The following PRKD1 variants were observed in gnomAD, a reference collection of about 807,000 sequenced individuals.
PRKD1 encodes serine/threonine-protein kinase D1.
A neutral mutation model predicts 95.9 loss-of-function variants in PRKD1; 63 were observed. That is an observed-to-expected ratio of 0.66 (90% CI 0.54 to 0.81). The LOEUF is 0.81. Among genes scored for constraint, PRKD1 ranks in the 30% least tolerant of loss-of-function variants. The pLI, the probability that PRKD1 is intolerant of heterozygous loss-of-function variation, is 0.00. For synonymous variants in PRKD1, 425 were observed against 423.1 expected, an observed-to-expected ratio of 1.00 and a Z score of -0.05; for missense variants, 1,048 against 1,165.3, an observed-to-expected ratio of 0.90 and a Z score of 1.47.
intron 1 of PRKD1, among the ~76,000 whole-genome samples, chr14:29,819,419 G>A (rs1052278924): frequency 2.3e-4 from 35 of 152,230 alleles, no homozygotes; most frequent in African/African-American, 6.7e-4. Context: ...GGCCGGGCGC[G>A]GTGGCTCATG....
At chr14:29,823,426 T>C (rs544522674) in intron 1 of PRKD1, among the ~76,000 whole-genome samples, 1 of 152,276 alleles carries the variant, frequency 6.6e-6, no homozygotes. Flanking sequence ...GAAAAACCCA[T>C]TCAAATGCAA....
At position 29,630,840 on chromosome 14, in the gene PRKD1, C is replaced by A; in HGVS notation, c.1574G>T (p.Gly525Val). ...PNNSVLTSGVGADVARMWEIA... is the reference protein window; with the variant it reads ...PNNSVLTSGVVADVARMWEIA... ...CTCCCACATCCTGGCCACATCTGCACCAACGCCACTGGTGAGAACACTGTT... is the reference window on the plus strand; with the variant it reads ...CTCCCACATCCTGGCCACATCTGCAACAACGCCACTGGTGAGAACACTGTT... The change falls in exon 10 of 18, where the codon GGT (glycine) becomes GTT (valine). Residue 525 changes from glycine (G) to valine (V), a missense_variant. Around this residue, in one of 3 missense-constraint regions of PRKD1, gnomAD observed 739 missense variants for 861.9 expected, o/e 0.86. Coordinates refer to ENST00000331968, the MANE Select transcript of PRKD1 (RefSeq NM_002742.3). 6.2e-7 allele frequency: 1 copy of A among 1,614,072 alleles called. No individual in the cohort carries two copies. The highest frequency in any genetic ancestry group is 8.5e-7 in the Non-Finnish European group (1 of 1,180,002).
At chr14:29,597,415 C>T (rs1259184976) in intron 16 of PRKD1, 76 bp downstream of exon 16, 4 of 1,321,054 alleles carry the variant, frequency 3.0e-6, no homozygotes, top group African/African-American at 3.0e-5. Context: ...TAATAATTTA[C>T]AATTAAATTA....
intron 13 of PRKD1, among the ~76,000 whole-genome samples, chr14:29,618,296 A>G (rs1879006691): frequency 6.7e-6 from 1 of 148,862 alleles, no homozygotes; most frequent in Admixed American, 6.8e-5. Flanking sequence ...TCTGTCATCC[A>G]GGCTGGAGTG....
At chr14:29,846,222 T>A (rs1053167226) in intron 1 of PRKD1, among the ~76,000 whole-genome samples, 1 of 152,134 alleles carries the variant, frequency 6.6e-6, no homozygotes, top group African/African-American at 2.4e-5. Flanking sequence ...TTTATGGAGC[T>A]TACATTTTAC....
chr14:29,670,035 C>CA (rs1234450662), intron 2 of PRKD1, among the ~76,000 whole-genome samples: 1 of 152,106 alleles, frequency 6.6e-6, no homozygotes, highest in African/African-American at 2.4e-5. Context: ...ATTGAGGCCC[C>CA]AATACACTTC....
chr14:29,604,063 T>G (rs1209592080), intron 13 of PRKD1, among the ~76,000 whole-genome samples: 1 of 152,130 alleles, frequency 6.6e-6, no homozygotes, highest in African/African-American at 2.4e-5. Context: ...CAATGGAAAT[T>G]AGTCACTAGA....
chr14:29,807,912 G>A (rs901404190), intron 1 of PRKD1, among the ~76,000 whole-genome samples: 3 of 151,640 alleles, frequency 2.0e-5, no homozygotes, highest in Non-Finnish European at 4.4e-5. Flanking sequence ...AGTATAGACG[G>A]GATTTCACCA....
At chr14:29,776,883 G>A (rs1343505709) in intron 1 of PRKD1, among the ~76,000 whole-genome samples, 1 of 152,152 alleles carries the variant, frequency 6.6e-6, no homozygotes, top group Non-Finnish European at 1.5e-5. Context: ...AATGTTAAGG[G>A]CAGCCAGAGA....
intron 1 of PRKD1, among the ~76,000 whole-genome samples, chr14:29,887,814 T>C (rs1413679181): frequency 1.3e-5 from 2 of 152,210 alleles, no homozygotes; most frequent in Non-Finnish European, 2.9e-5. Flanking sequence ...GGCTATACCA[T>C]ACAGCCTAGG....
rs768310024 is a variant in PRKD1, at chr14:29,630,926, C to T, written c.1488G>A (p.Thr496=). ...CTCCCACATAATACACTACATTTGC[C>T]GTAGTGATTTCGAAACAATGAGGAT... is the stretch of plus-strand genomic sequence containing the variant. ...GANPHCFEIT[T]ANVVYYVGEN... Residue 496 remains threonine (T), a synonymous_variant, in exon 10 of 18, where the codon ACG becomes ACA. Transcript: ENST00000331968. 7 of 1,613,960 alleles carry T rather than the reference C, an allele frequency of 4.3e-6. No homozygotes were observed. The highest frequency in any genetic ancestry group is 2.2e-5 in the East Asian group (1 of 44,870).
rs150570301 is a variant in PRKD1 at position 29,609,506 on chromosome 14, G to GCACACACACACACACA, written c.1906-9705_1906-9690dup. On this transcript the variant is annotated intron_variant, in intron 13 of 17. Coordinates refer to ENST00000331968, the MANE Select transcript of PRKD1 (RefSeq NM_002742.3). ...CTAATCTATTTGTGTGTGTGTGCGT[G>GCACACACACACACACA]CACACACACACACACACACACACAC... 8.5e-4 allele frequency among the ~76,000 whole-genome samples: 108 copies of GCACACACACACACACA among 127,484 alleles called. 1 individual carries two copies. Among genetic ancestry groups the GCACACACACACACACA allele is most frequent in the Admixed American group, 4.5e-3 (56 of 12,474 alleles). The allele number at this position is 127,484 out of a possible 152,430, so 83.6% of individuals were successfully genotyped here. A position where few individuals can be genotyped will look rare whatever the true frequency, so the allele number is the denominator to read the frequency against.
At chr14:29,726,588 C>T (rs569179873) in intron 1 of PRKD1, among the ~76,000 whole-genome samples, 3 of 152,194 alleles carry the variant, frequency 2.0e-5, no homozygotes, top group South Asian at 4.1e-4. Flanking sequence ...TGTCCAGAAT[C>T]TAATACCTGC....
intron 1 of PRKD1, among the ~76,000 whole-genome samples, chr14:29,840,708 G>T (rs1209571433): frequency 6.6e-6 from 1 of 152,188 alleles, no homozygotes; most frequent in Admixed American, 6.5e-5. Flanking sequence ...AGCAAGTCAC[G>T]TCTTACATGG....
At chr14:29,577,947 A>G (rs1487936818) in intron 17 of PRKD1, among the ~76,000 whole-genome samples, 1 of 152,136 alleles carries the variant, frequency 6.6e-6, no homozygotes, top group African/African-American at 2.4e-5. Context: ...AGGATTACAC[A>G]TACAGATGCT....
At chr14:29,878,018 A>G (rs1893363977) in intron 1 of PRKD1, among the ~76,000 whole-genome samples, 1 of 152,186 alleles carries the variant, frequency 6.6e-6, no homozygotes, top group Admixed American at 6.5e-5. Context: ...ATGTAGCTGG[A>G]GGCCATTATC....
At position 29,766,128 on chromosome 14, in the gene PRKD1, CAG is replaced by C. The variant is rs200976744; in HGVS notation, c.265-40456_265-40455del. ...GAGAAGGAGAAGGAGAGGAGAAAGACAGGGGAATAAGTGAGCTGCACTGAGTT... is the reference window on the plus strand; with the variant it reads ...GAGAAGGAGAAGGAGAGGAGAAAGACGGGAATAAGTGAGCTGCACTGAGTT... On this transcript the variant is annotated intron_variant, in intron 1 of 17. Transcript: ENST00000331968. 4.6e-3 allele frequency among the ~76,000 whole-genome samples: 703 copies of C among 152,250 alleles called. 29 individuals carry two copies. The highest frequency in any genetic ancestry group is 0.041 in the Admixed American group (630 of 15,274).
intron 1 of PRKD1, among the ~76,000 whole-genome samples, chr14:29,836,456 G>C (rs1030487636): frequency 6.6e-6 from 1 of 152,132 alleles, no homozygotes; most frequent in Non-Finnish European, 1.5e-5. Context: ...TTGTAGGTGG[G>C]GTGCTCCTGA....
At chr14:29,783,540 T>C (rs956242255) in intron 1 of PRKD1, among the ~76,000 whole-genome samples, 1 of 152,214 alleles carries the variant, frequency 6.6e-6, no homozygotes, top group Non-Finnish European at 1.5e-5. Context: ...TATATATATA[T>C]GGTGGTTCCA....
Sources: allele counts gnomAD v4.1 joint callset (sites outside exome capture counted in the v4.1 genomes callset), GRCh38; gene constraint gnomAD v4.1.1; regional missense constraint gnomAD v4.1.1; transcripts MANE v1.5; gene names NCBI Gene and HGNC (gene_info 2026-07-23, HGNC 2026-07-21).